The following DMD variants were observed in gnomAD, a reference collection of about 807,000 sequenced individuals.
DMD encodes dystrophin.
DMD carries 63 observed loss-of-function variants against 330.1 expected under a neutral mutation model. The observed-to-expected ratio is 0.19, with a 90% CI of 0.16 to 0.24. The LOEUF is 0.24. DMD is among the 10% of genes least tolerant of loss of function. The probability of loss-of-function intolerance (pLI) is 1.00; values close to 1 mark genes in which losing one functional copy is unlikely to be tolerated. For missense variants in DMD, 3,344 were observed against 2,684.1 expected (o/e 1.25, Z -5.43); for synonymous variants, 1,223 against 959.8 (o/e 1.27, Z -5.07).
intron 2 of DMD, among the ~76,000 whole-genome samples, chrX:32,927,528 G>GCCT (rs891184053): frequency 8.2e-5 from 9 of 109,664 alleles, no homozygotes; most frequent in Non-Finnish European, 1.1e-4. Flanking sequence ...GTGACCCGCT[G>GCCT]CCTCGGACGC....
rs72466523 is a variant in DMD, at chrX:31,119,880, G to T, written c.*2039C>A. The T allele has an allele frequency of 6.5e-3, 725 of 111,776 alleles. 21 individuals carry two copies. In the South Asian group the frequency reaches 0.1, roughly 16 times the overall value. 9.2% of individuals were successfully genotyped at this position (111,776 alleles called of 1,213,427 possible). A position where few individuals can be genotyped will look rare whatever the true frequency, so the allele number is the denominator to read the frequency against. On this transcript the variant is annotated 3_prime_UTR_variant, in exon 79 of 79. Transcript: ENST00000357033. The stretch of plus-strand genomic sequence containing the variant: ...TCTTTTGAAAATTATGAAGGAAAAA[G>T]AAAGAATTATAAAGGAAAAAGAAAA...
intron 18 of DMD, among the ~76,000 whole-genome samples, chrX:32,504,480 A>C (rs1000490359): frequency 1.8e-5 from 2 of 109,845 alleles, no homozygotes; most frequent in South Asian, 8.0e-4. Context: ...AAACATAATT[A>C]TCTGGGCATG....
chrX:31,242,730 G>C (rs2048467263), intron 63 of DMD, among the ~76,000 whole-genome samples: 1 of 109,438 alleles, frequency 9.1e-6, no homozygotes, highest in Non-Finnish European at 1.9e-5. Flanking sequence ...GTGTGTGTGT[G>C]TGTGTCATAT....
At chrX:32,496,605 C>A (rs998649563) in intron 19 of DMD, among the ~76,000 whole-genome samples, 3 of 112,183 alleles carry the variant, frequency 2.7e-5, no homozygotes, top group Non-Finnish European at 5.6e-5. Context: ...ACTCATTTCC[C>A]ACAACAACAG....
intron 1 of DMD, among the ~76,000 whole-genome samples, chrX:33,092,272 G>A (rs925328556): frequency 8.9e-6 from 1 of 111,871 alleles, no homozygotes; most frequent in African/African-American, 3.2e-5. Flanking sequence ...TTTTTTAAAA[G>A]TTGTGCTTTA....
At chrX:32,404,325 C>G (rs918800121) in intron 30 of DMD, among the ~76,000 whole-genome samples, 4 of 111,462 alleles carry the variant, frequency 3.6e-5, no homozygotes, top group African/African-American at 9.8e-5. Context: ...TCTGGAACAC[C>G]TGACGTCCTA....
At chrX:32,579,633 T>TTAATC (rs1306609246) in intron 13 of DMD, among the ~76,000 whole-genome samples, 1 of 112,918 alleles carries the variant, frequency 8.9e-6, no homozygotes, top group African/African-American at 3.2e-5. Context: ...GATTTAACAT[T>TTAATC]TAATCTAATC....
chrX:31,281,550 T>G (rs749305569), intron 62 of DMD, among the ~76,000 whole-genome samples: 2 of 101,439 alleles, frequency 2.0e-5, no homozygotes, highest in African/African-American at 8.7e-5. Context: ...AAAATTCATC[T>G]CTTTACTTTT....
At chrX:32,368,962 C>T (rs188846524) in intron 34 of DMD, among the ~76,000 whole-genome samples, 317 of 111,391 alleles carry the variant, frequency 2.8e-3, no homozygotes, top group Non-Finnish European at 5.0e-3. Flanking sequence ...AGATTGTGTA[C>T]ACTCAGTTTT....
chrX:32,630,020 C>A (rs1466551663), intron 11 of DMD, among the ~76,000 whole-genome samples: 3 of 111,417 alleles, frequency 2.7e-5, no homozygotes, highest in Non-Finnish European at 5.7e-5. Flanking sequence ...CTTACTATCA[C>A]CAGTGAGTTT....
intron 1 of DMD, among the ~76,000 whole-genome samples, chrX:33,152,988 G>A (rs12556045): frequency 0.062 from 7,005 of 112,490 alleles, 222 homozygotes; most frequent in South Asian, 0.2. Flanking sequence ...AATTTGAGCA[G>A]TTTTCAAGTT....
intron 55 of DMD, among the ~76,000 whole-genome samples, chrX:31,620,091 A>G: frequency 8.9e-6 from 1 of 111,757 alleles, no homozygotes; most frequent in Non-Finnish European, 1.9e-5. Context: ...GGGTCCCAAA[A>G]TGGAAAATAA....
chrX:32,032,146 T>C (rs1448898989), intron 44 of DMD, among the ~76,000 whole-genome samples: 1 of 111,700 alleles, frequency 9.0e-6, no homozygotes, highest in Non-Finnish European at 1.9e-5. Flanking sequence ...ACAACTAAAA[T>C]AAAATTAAAT....
At chrX:32,850,401 C>G (rs145499650) in intron 2 of DMD, among the ~76,000 whole-genome samples, 5 of 111,728 alleles carry the variant, frequency 4.5e-5, no homozygotes, top group Non-Finnish European at 7.5e-5. Flanking sequence ...CAGTTCTTTG[C>G]TCAGGAATTA....
chrX:33,148,795 T>C (rs2048143924), intron 1 of DMD, among the ~76,000 whole-genome samples: 1 of 112,256 alleles, frequency 8.9e-6, no homozygotes, highest in Middle Eastern at 4.6e-3. Flanking sequence ...TGGATCAAGA[T>C]GACCTGCTGA....
chrX:31,550,778 G>A (rs2074426142), intron 55 of DMD, among the ~76,000 whole-genome samples: 1 of 111,983 alleles, frequency 8.9e-6, no homozygotes, highest in South Asian at 3.7e-4. Context: ...CAATGCCTCT[G>A]TCTGTTATGG....
intron 1 of DMD, among the ~76,000 whole-genome samples, chrX:33,335,158 C>T (rs746084397): frequency 9.1e-6 from 1 of 110,330 alleles, no homozygotes; most frequent in South Asian, 3.8e-4. Context: ...AGCATTCAGA[C>T]ACTTTTCACT....
chrX:31,915,018 A>T (rs747394060), intron 47 of DMD, among the ~76,000 whole-genome samples: 1 of 112,389 alleles, frequency 8.9e-6, no homozygotes, highest in African/African-American at 3.2e-5. Context: ...TACACCTACT[A>T]TGTACCCACA....
chrX:32,692,393 T>C (rs1488217542), intron 9 of DMD, among the ~76,000 whole-genome samples: 5 of 111,637 alleles, frequency 4.5e-5, no homozygotes, highest in Non-Finnish European at 7.5e-5. Flanking sequence ...TTAGTGATAC[T>C]TTTAATCTAA....
Sources: gnomAD v4.1 joint callset for allele counts (sites outside exome capture counted in the v4.1 genomes callset) on GRCh38, gnomAD v4.1.1 for gene constraint, MANE v1.5 for transcripts, NCBI Gene and HGNC (gene_info 2026-07-23, HGNC 2026-07-21) for gene names.